The following ZNF777 variants were observed in gnomAD, a reference collection of about 807,000 sequenced individuals.
ZNF777 encodes the protein zinc finger protein 777.
A neutral mutation model predicts 72.1 loss-of-function variants in ZNF777; 7 were observed. That is an observed-to-expected ratio of 0.10 (90% CI 0.06 to 0.18). The LOEUF is 0.18. Among genes scored for constraint, ZNF777 ranks in the 10% least tolerant of loss-of-function variants. The probability of loss-of-function intolerance (pLI) is 1.00; values close to 1 mark genes in which losing one functional copy is unlikely to be tolerated. For synonymous variants in ZNF777, 545 were observed against 483.5 expected (o/e 1.13, Z -1.67); for missense variants, 828 against 1,128.6 (o/e 0.73, Z 3.82).
intron 5 of ZNF777, among the ~76,000 whole-genome samples, 170 bp from the exon 6 acceptor site, chr7:149,433,102 C>G (rs1799351965): frequency 6.6e-6 from 1 of 152,254 alleles, no homozygotes; most frequent in Non-Finnish European, 1.5e-5. Context: ...CTCCCCTCCC[C>G]CAACGGGGTA....
chr7:149,431,487 GC>G lies in ZNF777; in HGVS notation c.*288del, dbSNP rs1563231619. ...TCTGAGTGGCCGGCGGCCAAATCAC[GC>G]CCCCCGTGCTGATTGGTTTCATCCA... On this transcript the variant is annotated 3_prime_UTR_variant, in exon 6 of 6. Coordinates refer to ENST00000247930, the MANE Select transcript of ZNF777 (RefSeq NM_015694.3). 6.7e-6 allele frequency: 3 copies of G among 449,232 alleles called. No individual in the cohort carries two copies. Among genetic ancestry groups the G allele is most frequent in the Admixed American group, 4.9e-5 (2 of 41,208 alleles). The allele number at this position is 449,232 out of a possible 1,614,324, so 27.8% of individuals were successfully genotyped here.
intron 1 of ZNF777, 33 bp from the exon 2 acceptor site, chr7:149,456,070 A>T: frequency 6.6e-7 from 1 of 1,516,104 alleles, no homozygotes; most frequent in Non-Finnish European, 8.8e-7. Flanking sequence ...AAGAGGATTA[A>T]AGGCCACAGT....
At chr7:149,434,595 T>A (rs1317592277) in intron 5 of ZNF777, among the ~76,000 whole-genome samples, 1 of 152,212 alleles carries the variant, frequency 6.6e-6, no homozygotes, top group Admixed American at 6.5e-5. Context: ...TTTTAATTTA[T>A]TTTTTGAGAC....
chr7:149,448,563 A>ACATATAAC, intron 4 of ZNF777, among the ~76,000 whole-genome samples: 2 of 104,760 alleles, frequency 1.9e-5, no homozygotes, highest in Non-Finnish European at 3.6e-5. Context: ...ATATAGTTAT[A>ACATATAAC]TAGTTATACA....
Position 149,432,708 on chromosome 7 carries a change from C to G in ZNF777, c.1564G>C (p.Gly522Arg), listed in dbSNP as rs201911619. Residue 522 changes from glycine to arginine, a missense_variant, in exon 6 of 6, where the codon GGT becomes CGT. Gly to Arg is a moderately radical substitution (Grantham distance 125, BLOSUM62 -2). This residue lies in a region of ZNF777 where 219 missense variants were observed against 223.0 expected (regional missense o/e 0.98). Coordinates refer to ENST00000247930, the MANE Select transcript of ZNF777 (RefSeq NM_015694.3). ...AVKRLAPSVH[G>R]ERHLSENRGA... ...CGGTTCTCGCTCAGGTGCCGCTCACCGTGCACGGAGGGCGCCAGCCTTTTC... is the reference window on the plus strand; with the variant it reads ...CGGTTCTCGCTCAGGTGCCGCTCACGGTGCACGGAGGGCGCCAGCCTTTTC... 1.9e-6 allele frequency: 3 copies of G among 1,612,506 alleles called. No homozygotes were observed. In the East Asian group the frequency reaches 6.7e-5, roughly 36 times the overall value.
chr7:149,440,673 GTT>G (rs1554493243), intron 4 of ZNF777, among the ~76,000 whole-genome samples: 6 of 39,176 alleles, frequency 1.5e-4, no homozygotes, highest in Admixed American at 3.1e-4. Flanking sequence ...TTGTTTTTTT[GTT>G]TTTTTTTTTT....
At chr7:149,450,429 G>A (rs1417642548) in intron 4 of ZNF777, among the ~76,000 whole-genome samples, 1 of 152,172 alleles carries the variant, frequency 6.6e-6, no homozygotes, top group African/African-American at 2.4e-5. Context: ...AAAAGATCAA[G>A]CAACTGAAAT....
intron 4 of ZNF777, among the ~76,000 whole-genome samples, chr7:149,440,311 C>T (rs1799487359): frequency 6.6e-6 from 1 of 152,084 alleles, no homozygotes; most frequent in South Asian, 2.1e-4. Context: ...GGGCTTTATG[C>T]CTCTGAGAAA....
Position 149,455,384 on chromosome 7 carries a change from C to A in ZNF777, c.639G>T (p.Thr213=), listed in dbSNP as rs199585345. 1.9e-5 allele frequency: 31 copies of A among 1,614,224 alleles called. No homozygotes were observed. The African/African-American group carries it at 3.5e-4, about 18-fold the overall frequency. The part of the protein sequence containing the change: ...AMRLLTLEGR[T]GTNEKKIADC... ...CGGCTATCTTCTTTTCATTTGTCCC[C>A]GTCCTGCCTTCCAGGGTCAGTAGCC... Residue 213 remains threonine, a synonymous_variant, in exon 2 of 6, where the codon ACG becomes ACT. Transcript: ENST00000247930. This position sits in a 1 kb window ranked among gnomAD's most constrained non-coding sequence, Gnocchi z 4.2.
chr7:149,441,740 A>C (rs1296917923), intron 4 of ZNF777, among the ~76,000 whole-genome samples: 1 of 152,228 alleles, frequency 6.6e-6, no homozygotes, highest in African/African-American at 2.4e-5. Flanking sequence ...ACTGAAAGTG[A>C]TATAATGCTA....
intron 4 of ZNF777, among the ~76,000 whole-genome samples, chr7:149,448,537 A>ATATATATATATATATATAAC (rs1563237731): frequency 3.6e-5 from 5 of 139,068 alleles, no homozygotes; most frequent in African/African-American, 1.4e-4. Context: ...ACATATAGTT[A>ATATATATATATATATATAAC]TATATATAGT....
At chr7:149,435,365 C>T (rs539841732) in intron 5 of ZNF777, among the ~76,000 whole-genome samples, 5 of 152,014 alleles carry the variant, frequency 3.3e-5, no homozygotes, top group Admixed American at 6.6e-5. Context: ...GAGATGGGGT[C>T]TTCCTATGTT....
Position 149,432,050 on chromosome 7 carries a change from C to T in ZNF777, c.2222G>A (p.Cys741Tyr). The T allele has an allele frequency of 6.2e-7, 1 of 1,604,572 alleles. No homozygotes were observed. ...CGGCCGCTCGCGCGAGTGCACGCGGCAGTGGTTGGTGAGCTTGGACTTCTC... is the reference window on the plus strand; with the variant it reads ...CGGCCGCTCGCGCGAGTGCACGCGGTAGTGGTTGGTGAGCTTGGACTTCTC... ...FSEKSKLTNH[C>Y]RVHSRERPHA... Residue 741 changes from cysteine to tyrosine, a missense_variant, in exon 6 of 6, where the codon TGC (cysteine) becomes TAC (tyrosine). Cys to Tyr is a radical substitution (Grantham distance 194). Coordinates refer to ENST00000247930, the MANE Select transcript of ZNF777 (RefSeq NM_015694.3).
intron 4 of ZNF777, among the ~76,000 whole-genome samples, chr7:149,444,918 T>C (rs1255614530): frequency 6.6e-6 from 1 of 152,248 alleles, no homozygotes; most frequent in Non-Finnish European, 1.5e-5. Flanking sequence ...CGGCTTTAAT[T>C]GGCGGGACCT....
intron 4 of ZNF777, among the ~76,000 whole-genome samples, chr7:149,446,537 T>A (rs564971042): frequency 6.6e-6 from 1 of 152,196 alleles, no homozygotes; most frequent in African/African-American, 2.4e-5. Context: ...TAGAGAAATA[T>A]GGCTTTGGTA....
intron 3 of ZNF777, 41 bp from the exon 4 acceptor site, chr7:149,451,153 G>T: frequency 1.3e-6 from 2 of 1,552,574 alleles, no homozygotes; most frequent in Non-Finnish European, 1.8e-6. Flanking sequence ...CTGGGATGAG[G>T]TTGCACTGGA....
chr7:149,448,589 A>ATATATAAC (rs1563237863), intron 4 of ZNF777, among the ~76,000 whole-genome samples: 2 of 52,400 alleles, frequency 3.8e-5, no homozygotes, highest in Non-Finnish European at 7.8e-5. Flanking sequence ...CTATATATAT[A>ATATATAAC]TATATATATA....
Position 149,436,209 on chromosome 7 carries a change from C to T in ZNF777, c.1339+366G>A, listed in dbSNP as rs1799408224. 6.6e-6 allele frequency among the ~76,000 whole-genome samples: 1 copy of T among 152,152 alleles called. No homozygotes were observed. Among genetic ancestry groups the T allele is most frequent in the African/African-American group, 2.4e-5 (1 of 41,428 alleles). On this transcript the variant is annotated intron_variant, in intron 5 of 5. Transcript: ENST00000247930. The surrounding 1 kb of genome is among the most constrained non-coding windows in gnomAD (Gnocchi z 5.0). ...GAAATCTTCAAGGTAGTTGAGGCTT[C>T]TAGGGTGATATGAGATGATCAAGGA... is the stretch of plus-strand genomic sequence containing the variant.
At chr7:149,451,174 G>T in intron 3 of ZNF777, 62 bp from the exon 4 acceptor site, 2 of 1,442,134 alleles carry the variant, frequency 1.4e-6, no homozygotes, top group Non-Finnish European at 1.9e-6. Context: ...TGTTGTTAAG[G>T]TATCATCTGT....
Sources: gnomAD v4.1 joint callset for allele counts (sites outside exome capture counted in the v4.1 genomes callset) on GRCh38, gnomAD v4.1.1 for gene constraint, gnomAD v4.1.1 regional missense constraint, Gnocchi (gnomAD v3.1) non-coding constraint, MANE v1.5 for transcripts, NCBI Gene and HGNC (gene_info 2026-07-23, HGNC 2026-07-21) for gene names.